The following KCND2 variants were observed in gnomAD, a reference collection of about 807,000 sequenced individuals.
KCND2 encodes the protein potassium voltage-gated channel subfamily D member 2, also known as A-type voltage-gated potassium channel KCND2.
A neutral mutation model predicts 54.4 loss-of-function variants in KCND2; 16 were observed. That is an observed-to-expected ratio of 0.29 (90% CI 0.20 to 0.45). The LOEUF is 0.45. Ranked by LOEUF, KCND2 falls within the 20% of genes least tolerant of loss-of-function variation. The pLI is 1.00. For synonymous variants in KCND2, 317 were observed against 310.7 expected (o/e 1.02, Z -0.21); for missense variants, 486 against 824.2 (o/e 0.59, Z 5.02).
intron 1 of KCND2, among the ~76,000 whole-genome samples, chr7:120,369,499 G>A (rs137975043): frequency 1.4e-3 from 216 of 152,090 alleles, no homozygotes; most frequent in African/African-American, 4.0e-3. Flanking sequence ...AAACAAAGCC[G>A]CAGTCTCAGG....
intron 1 of KCND2, among the ~76,000 whole-genome samples, chr7:120,454,338 C>T (rs1300942243): frequency 6.6e-6 from 1 of 151,904 alleles, no homozygotes; most frequent in Admixed American, 6.6e-5. Flanking sequence ...AGAGAAGAGC[C>T]AAATAAACAC....
At chr7:120,521,689 A>C (rs1206104900) in intron 1 of KCND2, among the ~76,000 whole-genome samples, 1 of 152,196 alleles carries the variant, frequency 6.6e-6, no homozygotes, top group Non-Finnish European at 1.5e-5. Context: ...AGATATTAGA[A>C]CATAAAAACT....
chr7:120,437,604 C>T (rs1475402305), intron 1 of KCND2, among the ~76,000 whole-genome samples: 1 of 151,856 alleles, frequency 6.6e-6, no homozygotes, highest in African/African-American at 2.4e-5. Flanking sequence ...TAATGATAAA[C>T]CAACCCCCTA....
At chr7:120,548,903 A>T in intron 1 of KCND2, among the ~76,000 whole-genome samples, 1 of 152,100 alleles carries the variant, frequency 6.6e-6, no homozygotes, top group Non-Finnish European at 1.5e-5. Context: ...TGAGGGATAC[A>T]CTTTGGGACT....
intron 1 of KCND2, among the ~76,000 whole-genome samples, chr7:120,677,558 T>TATAGATATAGATATAGATATAGATAG (rs1554384992): frequency 7.4e-4 from 107 of 143,870 alleles, no homozygotes; most frequent in African/African-American, 2.5e-3. Context: ...GATATATAGA[T>TATAGATATAGATATAGATATAGATAG]ATATAGATAT....
At chr7:120,426,847 C>T (rs1201665942) in intron 1 of KCND2, among the ~76,000 whole-genome samples, 3 of 152,060 alleles carry the variant, frequency 2.0e-5, no homozygotes, top group African/African-American at 7.2e-5. Flanking sequence ...GTCTCGATCT[C>T]CTGACCTCGT....
At chr7:120,511,027 C>CAT (rs2116331505) in intron 1 of KCND2, among the ~76,000 whole-genome samples, 1 of 126,806 alleles carries the variant, frequency 7.9e-6, no homozygotes, top group South Asian at 2.3e-4. Context: ...CTCTCTCTCA[C>CAT]ACACACACAC....
chr7:120,591,470 T>C (rs944916336), intron 1 of KCND2, among the ~76,000 whole-genome samples: 3 of 152,198 alleles, frequency 2.0e-5, no homozygotes, highest in African/African-American at 7.2e-5. Flanking sequence ...ACTACACCTA[T>C]TCACCTCACA....
intron 1 of KCND2, among the ~76,000 whole-genome samples, chr7:120,580,414 C>T (rs1483336904): frequency 6.6e-6 from 1 of 152,184 alleles, no homozygotes; most frequent in Non-Finnish European, 1.5e-5. Flanking sequence ...TTTCCTCTCT[C>T]CTCCACCCCA....
At chr7:120,315,493 A>C (rs892852246) in intron 1 of KCND2, among the ~76,000 whole-genome samples, 1 of 152,194 alleles carries the variant, frequency 6.6e-6, no homozygotes, top group Non-Finnish European at 1.5e-5. Flanking sequence ...GCTAAGGATC[A>C]GAATGACACC....
chr7:120,380,681 G>C (rs1047697216), intron 1 of KCND2, among the ~76,000 whole-genome samples: 3 of 151,630 alleles, frequency 2.0e-5, no homozygotes, highest in African/African-American at 7.3e-5. Flanking sequence ...ATATTTTTCT[G>C]AGAAAAATAT....
At chr7:120,572,179 T>C (rs1189854332) in intron 1 of KCND2, among the ~76,000 whole-genome samples, 2 of 143,920 alleles carry the variant, frequency 1.4e-5, no homozygotes, top group East Asian at 3.9e-4. Flanking sequence ...TATGAATGCT[T>C]TTTTTTTTTT....
rs372529220 is a variant in KCND2 at position 120,284,091 on chromosome 7, A to AG, written c.1115+8347dup. Among the ~76,000 whole-genome samples the AG allele has an allele frequency of 2.6e-5, 4 of 152,302 alleles. No individual in the cohort carries two copies. In the South Asian group the frequency reaches 8.3e-4, roughly 32 times the overall value. The stretch of plus-strand genomic sequence containing the variant: ...ATTAACAACATAAAAATGCAAAAAA[A>AG]GGGTATGCTTTCCAGATGAACAAAT... On this transcript the variant is annotated intron_variant, in intron 1 of 5. Coordinates refer to ENST00000331113, the MANE Select transcript of KCND2 (RefSeq NM_012281.3).
chr7:120,643,998 C>A (rs1793407822), intron 1 of KCND2, among the ~76,000 whole-genome samples: 1 of 151,796 alleles, frequency 6.6e-6, no homozygotes, highest in African/African-American at 2.4e-5. Context: ...CCTCATATTA[C>A]CTCATCATAA....
chr7:120,274,586 C>T lies in KCND2; in HGVS notation c.-47C>T, dbSNP rs1362657372. 3.1e-6 allele frequency: 5 copies of T among 1,612,854 alleles called. No homozygotes were observed. The highest frequency in any genetic ancestry group is 2.7e-5 in the African/African-American group (2 of 75,024). ...GGTGACTTTTGGCTGCTTCGGTGAC[C>T]CATTGTAGACGCCTCGTTACCCTTC... is the stretch of plus-strand genomic sequence containing the variant. On this transcript the variant is annotated 5_prime_UTR_variant, in exon 1 of 6. Transcript: ENST00000331113.
chr7:120,574,541 A>G (rs911645361), intron 1 of KCND2, among the ~76,000 whole-genome samples: 4 of 152,198 alleles, frequency 2.6e-5, no homozygotes, highest in African/African-American at 9.6e-5. Context: ...ACTAAAATAA[A>G]TTAATCATAA....
rs73722544 is a variant in KCND2, at chr7:120,275,814, G to T, written c.1115+67G>T. On this transcript the variant is annotated intron_variant, in intron 1 of 5. Transcript: ENST00000331113. ...GTGAGGCGATTGTGGACCCATCGAG[G>T]TTACATGGTAACTCCGGGGAAATCA... 1,427 of 1,515,014 alleles carry T rather than the reference G, an allele frequency of 9.4e-4. 15 individuals are homozygous for T. The African/African-American group carries it at 0.017, about 18-fold the overall frequency. The allele number at this position is 1,515,014 out of a possible 1,614,324, so 93.8% of individuals were successfully genotyped here. A position where few individuals can be genotyped will look rare whatever the true frequency, so the allele number is the denominator to read the frequency against.
intron 1 of KCND2, among the ~76,000 whole-genome samples, chr7:120,347,918 T>C (rs900679125): frequency 1.3e-5 from 2 of 152,164 alleles, no homozygotes; most frequent in Non-Finnish European, 2.9e-5. Flanking sequence ...GTGAGGGACC[T>C]CTTCCAGGTT....
At chr7:120,455,983 C>T (rs894848226) in intron 1 of KCND2, among the ~76,000 whole-genome samples, 2 of 152,144 alleles carry the variant, frequency 1.3e-5, no homozygotes, top group Non-Finnish European at 2.9e-5. Context: ...AAAATAAAAG[C>T]ACTTAGCATG....
Sources: allele counts gnomAD v4.1 joint callset (sites outside exome capture counted in the v4.1 genomes callset), GRCh38; gene constraint gnomAD v4.1.1; transcripts MANE v1.5; gene names NCBI Gene and HGNC (gene_info 2026-07-23, HGNC 2026-07-21).